The following STARD13 variants were observed in gnomAD, a reference collection of about 807,000 sequenced individuals.
The protein encoded by STARD13 is stAR-related lipid transfer protein 13.
Under a neutral mutation model 106.4 loss-of-function variants are expected in STARD13, and 62 were observed. The ratio of observed to expected loss-of-function variants is 0.58; its 90% CI spans 0.48 to 0.72. The LOEUF (loss-of-function observed/expected upper bound fraction) is 0.72, where lower values mean the gene tolerates loss of function less well. STARD13 is among the 30% of genes least tolerant of loss of function. The pLI, the probability that STARD13 is intolerant of heterozygous loss-of-function variation, is 0.00. For synonymous variants in STARD13, 565 were observed against 553.0 expected, an observed-to-expected ratio of 1.02 and a Z score of -0.31; for missense variants, 1,387 against 1,424.0, an observed-to-expected ratio of 0.97 and a Z score of 0.42.
At chr13:33,414,791 A>G in the STARD13 span, among the ~76,000 whole-genome samples, 2 of 152,160 alleles carry the variant, frequency 1.3e-5, no homozygotes, top group Non-Finnish European at 2.9e-5. Context: ...TATCAATGAG[A>G]GAAAATGGCT....
intron 1 of STARD13, among the ~76,000 whole-genome samples, chr13:33,283,704 T>G (rs1254935516): frequency 6.6e-6 from 1 of 152,068 alleles, no homozygotes. Context: ...TTGCCCAGTA[T>G]AAAAAAGAGG....
At chr13:33,389,657 TCA>T in the STARD13 span, among the ~76,000 whole-genome samples, 3 of 152,218 alleles carry the variant, frequency 2.0e-5, no homozygotes, top group Non-Finnish European at 4.4e-5. Context: ...CATTGTTCAT[TCA>T]CATTTAATTA....
chr13:33,216,391 G>A (rs1485546591), intron 1 of STARD13, among the ~76,000 whole-genome samples: 1 of 152,160 alleles, frequency 6.6e-6, no homozygotes, highest in Non-Finnish European at 1.5e-5. Context: ...TCCATAAAAC[G>A]AATGAATTAA....
At chr13:33,653,340 A>G in the STARD13 span, among the ~76,000 whole-genome samples, 1 of 152,196 alleles carries the variant, frequency 6.6e-6, no homozygotes, top group South Asian at 2.1e-4. Flanking sequence ...ATATAGACTA[A>G]TGGAATAGGA....
chr13:33,458,312 G>A, the STARD13 span, among the ~76,000 whole-genome samples: 6 of 148,924 alleles, frequency 4.0e-5, no homozygotes, highest in East Asian at 5.9e-4. Flanking sequence ...TTGTTCTGTC[G>A]CCCAGGCTGG....
intron 1 of STARD13, among the ~76,000 whole-genome samples, chr13:33,343,602 T>C (rs61945471): frequency 1.4e-5 from 1 of 70,958 alleles, no homozygotes; most frequent in African/African-American, 5.9e-5. Context: ...AAAAAACAAA[T>C]CTACAAATCT....
At chr13:33,431,373 C>T in the STARD13 span, among the ~76,000 whole-genome samples, 1 of 152,024 alleles carries the variant, frequency 6.6e-6, no homozygotes, top group Admixed American at 6.5e-5. Flanking sequence ...TTTAGAGATA[C>T]TGGGCTAAAT....
At chr13:33,434,885 GGAAGGAAA>G in the STARD13 span, among the ~76,000 whole-genome samples, 2 of 141,866 alleles carry the variant, frequency 1.4e-5, no homozygotes, top group South Asian at 4.5e-4. Context: ...AGGAAGGGAG[GGAAGGAAA>G]GAAGGAAGGA....
the STARD13 span, among the ~76,000 whole-genome samples, chr13:33,377,604 C>T: frequency 6.7e-6 from 1 of 149,000 alleles, no homozygotes; most frequent in South Asian, 2.1e-4. Flanking sequence ...CGCTTATACT[C>T]TCATCTCCCC....
chr13:33,519,354 C>T, the STARD13 span, among the ~76,000 whole-genome samples: 4 of 138,850 alleles, frequency 2.9e-5, no homozygotes, highest in African/African-American at 2.7e-5. Flanking sequence ...TTTTTTCTTT[C>T]CTTTTCATTT....
the STARD13 span, among the ~76,000 whole-genome samples, chr13:33,433,173 C>A: frequency 2.0e-5 from 3 of 152,158 alleles, no homozygotes; most frequent in Admixed American, 2.0e-4. Flanking sequence ...CTAAAGGATT[C>A]TTTTAACAAG....
chr13:33,124,464 A>G (rs1281172638), intron 7 of STARD13, among the ~76,000 whole-genome samples: 2 of 152,186 alleles, frequency 1.3e-5, no homozygotes, highest in Admixed American at 1.3e-4. Context: ...CTTTGCCGGC[A>G]CACTGTTTTT....
chr13:33,197,629 G>A (rs1009857214), intron 1 of STARD13, among the ~76,000 whole-genome samples: 4 of 152,162 alleles, frequency 2.6e-5, no homozygotes, highest in Non-Finnish European at 5.9e-5. Context: ...CCCAGCATTC[G>A]ACACAGTGCT....
At chr13:33,155,600 C>T (rs1041715451) in intron 3 of STARD13, 4 of 152,138 alleles carry the variant, frequency 2.6e-5, no homozygotes, top group Non-Finnish European at 5.9e-5. Context: ...ATATAAAAGT[C>T]ATCCTGAGTA....
At chr13:33,194,747 A>G (rs1886495063) in intron 1 of STARD13, among the ~76,000 whole-genome samples, 1 of 152,256 alleles carries the variant, frequency 6.6e-6, no homozygotes, top group African/African-American at 2.4e-5. Context: ...CTTTGGAGAA[A>G]GTGAAAATGG....
chr13:33,338,425 T>C (rs77125509), intron 1 of STARD13, among the ~76,000 whole-genome samples: 2,452 of 152,284 alleles, frequency 0.016, 72 homozygotes, highest in African/African-American at 0.054. Flanking sequence ...TTTGCATAGC[T>C]CTACAGCTGA....
chr13:33,450,055 C>G, the STARD13 span, among the ~76,000 whole-genome samples: 1 of 152,132 alleles, frequency 6.6e-6, no homozygotes, highest in East Asian at 1.9e-4. Flanking sequence ...TTCTACTCTT[C>G]CCATTTAGAT....
chr13:33,178,667 G>T (rs1884947855), intron 1 of STARD13, among the ~76,000 whole-genome samples: 1 of 152,184 alleles, frequency 6.6e-6, no homozygotes, highest in Non-Finnish European at 1.5e-5. Context: ...CTTCTTGAAT[G>T]TCTTAGGTAT....
chr13:33,563,388 C>G, the STARD13 span, among the ~76,000 whole-genome samples: 1 of 146,660 alleles, frequency 6.8e-6, no homozygotes, highest in Non-Finnish European at 1.5e-5. Flanking sequence ...GATACATAGA[C>G]CAATGGAACA....
Sources: allele counts gnomAD v4.1 joint callset (sites outside exome capture counted in the v4.1 genomes callset), GRCh38; gene constraint gnomAD v4.1.1; transcripts MANE v1.5; gene names NCBI Gene and HGNC (gene_info 2026-07-23, HGNC 2026-07-21).